The following BMP3 variants were observed in gnomAD, a reference collection of about 807,000 sequenced individuals.
BMP3 encodes bone morphogenetic protein 3, also known as bone morphogenetic protein 3 (osteogenic).
Under a neutral mutation model 38.1 loss-of-function variants are expected in BMP3, and 23 were observed. That is an observed-to-expected ratio of 0.60 (90% CI 0.43 to 0.86). The LOEUF is 0.86. Ranked by LOEUF, BMP3 falls within the 40% of genes least tolerant of loss-of-function variation. The pLI, the probability that BMP3 is intolerant of heterozygous loss-of-function variation, is 0.00. For missense variants in BMP3, 628 were observed against 579.6 expected (o/e 1.08, Z -0.86); for synonymous variants, 258 against 225.7 (o/e 1.14, Z -1.28).
Position 81,031,090 on chromosome 4 carries a change from C to A in BMP3, c.-195C>A. 1.7e-6 allele frequency: 1 copy of A among 598,864 alleles called. No individual in the cohort carries two copies. Among genetic ancestry groups the A allele is most frequent in the South Asian group, 2.2e-5 (1 of 46,146 alleles). The allele number at this position is 598,864 out of a possible 1,614,324, so 37.1% of individuals were successfully genotyped here. On this transcript the variant is annotated 5_prime_UTR_variant, in exon 1 of 3. It adds an upstream start codon to the 5' untranslated region. Coordinates refer to ENST00000282701, the MANE Select transcript of BMP3 (RefSeq NM_001201.5). ...GCGCAGCTGCTGGGGAAGAGCCCACCTGTCAGGCTGCGCTGGGTCAGCGCA... is the reference window on the plus strand; with the variant it reads ...GCGCAGCTGCTGGGGAAGAGCCCACATGTCAGGCTGCGCTGGGTCAGCGCA...
At chr4:81,032,166 G>A (rs1026811333) in intron 1 of BMP3, among the ~76,000 whole-genome samples, 2 of 114,628 alleles carry the variant, frequency 1.7e-5, no homozygotes, top group Admixed American at 1.3e-4. Context: ...TACTATATTT[G>A]ACACTTTACT....
intron 2 of BMP3, among the ~76,000 whole-genome samples, chr4:81,050,926 A>G (rs1740386313): frequency 6.6e-6 from 1 of 152,088 alleles, no homozygotes; most frequent in Non-Finnish European, 1.5e-5. Flanking sequence ...GACTGGCAAT[A>G]TGCTTTACAC....
At chr4:81,041,082 C>CAAAT (rs888017316) in intron 1 of BMP3, among the ~76,000 whole-genome samples, 1 of 152,092 alleles carries the variant, frequency 6.6e-6, no homozygotes, top group African/African-American at 2.4e-5. Context: ...AGAGACAATG[C>CAAAT]AAATCTTCTG....
At chr4:81,051,488 CAG>C (rs1000901850) in intron 2 of BMP3, among the ~76,000 whole-genome samples, 4 of 152,072 alleles carry the variant, frequency 2.6e-5, no homozygotes, top group African/African-American at 9.7e-5. Context: ...ATTAAAATAA[CAG>C]AATAATTTTG....
At position 81,042,746 on chromosome 4, in the gene BMP3, A is replaced by C. The variant is rs77832243; in HGVS notation, c.317-2992A>C. 5.7e-3 allele frequency among the ~76,000 whole-genome samples: 862 copies of C among 152,348 alleles called. 4 individuals are homozygous for C. Among genetic ancestry groups the C allele is most frequent in the African/African-American group, 0.02 (819 of 41,590 alleles). On this transcript the variant is annotated intron_variant, in intron 1 of 2. Transcript: ENST00000282701. ...CACTCATATCCCTTGGAGATCATTTATTCCCTGCCAGCATGTTTGTTTGGC... is the reference window on the plus strand; with the variant it reads ...CACTCATATCCCTTGGAGATCATTTCTTCCCTGCCAGCATGTTTGTTTGGC...
chr4:81,052,384 C>G (rs1482186628), intron 2 of BMP3, among the ~76,000 whole-genome samples: 1 of 152,146 alleles, frequency 6.6e-6, no homozygotes, highest in Non-Finnish European at 1.5e-5. Flanking sequence ...ACATTCTGGA[C>G]TTGCAAAAAT....
Position 81,031,035 on chromosome 4 carries a change from C to G in BMP3, c.-250C>G, listed in dbSNP as rs938456987. The stretch of plus-strand genomic sequence containing the variant: ...TTTCTCAGCGTTGGAGTGGAGACGG[C>G]GCCCGCAGCGCCCTGCGCGGGTGAG... On this transcript the variant is annotated 5_prime_UTR_variant, in exon 1 of 3. Coordinates refer to ENST00000282701, the MANE Select transcript of BMP3 (RefSeq NM_001201.5). The G allele has an allele frequency of 4.0e-6, 2 of 503,226 alleles. No homozygotes were observed. The highest frequency in any genetic ancestry group is 4.1e-5 in the African/African-American group (2 of 48,562). 31.2% of individuals were successfully genotyped at this position (503,226 alleles called of 1,614,324 possible).
At position 81,053,510 on chromosome 4, in the gene BMP3, A is replaced by G. The variant is rs1268045023; in HGVS notation, c.1393A>G (p.Thr465Ala). The G allele has an allele frequency of 6.3e-7, 1 of 1,580,578 alleles. No homozygotes were observed. ...NVVLKVYPNM[T>A]VESCACR ...AGTGCTTAAAGTATACCCTAACATG[A>G]CAGTAGAGTCTTGCGCTTGCAGATA... The change falls in exon 3 of 3, where the codon ACA (threonine) becomes GCA (alanine). Residue 465 changes from threonine to alanine, a missense_variant. Transcript: ENST00000282701.
chr4:81,047,595 A>G (rs1006727270), intron 2 of BMP3, among the ~76,000 whole-genome samples: 5 of 152,164 alleles, frequency 3.3e-5, no homozygotes, highest in Admixed American at 2.6e-4. Flanking sequence ...GAGGAAGAAT[A>G]CAGTTTTTTC....
intron 1 of BMP3, among the ~76,000 whole-genome samples, chr4:81,045,382 A>G (rs920401261): frequency 1.3e-5 from 2 of 152,000 alleles, no homozygotes; most frequent in African/African-American, 4.8e-5. Context: ...ATGATTTGCA[A>G]TTATTTTATC....
rs1213984198 is a variant in BMP3, at chr4:81,031,535, A to G, written c.251A>G (p.Gln84Arg). ...CCGGGCTCCCTGGAGGGAGGCTCGC[A>G]GCCCTGGCGCCCTCGGCTCCTGCGC... Reference protein sequence around the residue: ...RTPGSLEGGSQPWRPRLLREG... With the variant: ...RTPGSLEGGSRPWRPRLLREG... The change falls in exon 1 of 3, where the codon CAG becomes CGG. Residue 84 changes from glutamine to arginine, a missense_variant. Gln to Arg is a conservative substitution (Grantham distance 43, BLOSUM62 1). Coordinates refer to ENST00000282701, the MANE Select transcript of BMP3 (RefSeq NM_001201.5). 42 of 1,610,782 alleles carry G rather than the reference A, an allele frequency of 2.6e-5. No homozygotes were observed. Among genetic ancestry groups the G allele is most frequent in the Non-Finnish European group, 3.5e-5 (41 of 1,179,108 alleles).
Position 81,053,488 on chromosome 4 carries a change from G to T in BMP3, c.1371G>T (p.Val457=), listed in dbSNP as rs759922406. ...TCTTTGATGAAAATAAGAATGTAGT[G>T]CTTAAAGTATACCCTAACATGACAG... ...ILFFDENKNV[V]LKVYPNMTVE... is the part of the protein sequence containing the mutation. The change falls in exon 3 of 3, where the codon GTG becomes GTT. Residue 457 remains valine, a synonymous_variant. Transcript: ENST00000282701. 3.7e-5 allele frequency: 60 copies of T among 1,605,484 alleles called. No homozygotes were observed. The highest frequency in any genetic ancestry group is 1.6e-4 in the Middle Eastern group (1 of 6,066).
chr4:81,037,196 G>C (rs34042179), intron 1 of BMP3, among the ~76,000 whole-genome samples: 12,896 of 151,920 alleles, frequency 0.085, 656 homozygotes, highest in South Asian at 0.24. Flanking sequence ...ATATAAGGTT[G>C]TTTGTTCAGC....
At chr4:81,053,310 T>G in intron 2 of BMP3, 35 bp from the exon 3 acceptor site, 1 of 1,469,506 alleles carries the variant, frequency 6.8e-7, no homozygotes, top group Non-Finnish European at 9.1e-7. Context: ...CAGTTCCACC[T>G]AACATATGTG....
In BMP3 at chr4:81,046,385, A is replaced by G. The variant is rs753419201; in HGVS notation, c.964A>G (p.Lys322Glu). 19 of 1,613,896 alleles carry G rather than the reference A, an allele frequency of 1.2e-5. No homozygotes were observed. The highest frequency in any genetic ancestry group is 9.3e-6 in the Non-Finnish European group (11 of 1,180,010). ...GGTGTGGGAGGAGAGAAAGCCTTAC[A>G]AGACCCTTCAGGCTCAGGCCCCTGA... ...DEVWEERKPY[K>E]TLQAQAPEKS... The change falls in exon 2 of 3, where the codon AAG (lysine) becomes GAG (glutamate). Residue 322 changes from lysine (K) to glutamate (E), a missense_variant. Physicochemically the swap from Lys to Glu is moderately conservative, Grantham distance 56. Transcript: ENST00000282701.
In BMP3 at chr4:81,031,581, C is replaced by A. The variant is rs1739771889; in HGVS notation, c.297C>A (p.Ser99Arg). The change falls in exon 1 of 3, where the codon AGC (serine) becomes AGA (arginine). Residue 99 changes from serine to arginine, a missense_variant. Physicochemically the swap from Ser to Arg is moderately radical, Grantham distance 110. Transcript: ENST00000282701. ...RLLREGNTVR[S>R]FRAAAAETLE... ...TGCGCGAAGGCAACACGGTTCGCAGCTTTCGGGCGGCAGCAGCAGGTGAGT... is the reference window on the plus strand; with the variant it reads ...TGCGCGAAGGCAACACGGTTCGCAGATTTCGGGCGGCAGCAGCAGGTGAGT... 2.5e-6 allele frequency: 4 copies of A among 1,602,628 alleles called. No individual in the cohort carries two copies. The East Asian group carries it at 9.0e-5, about 36-fold the overall frequency.
At chr4:81,035,186 C>A (rs1398073085) in intron 1 of BMP3, among the ~76,000 whole-genome samples, 2 of 152,060 alleles carry the variant, frequency 1.3e-5, no homozygotes, top group Non-Finnish European at 2.9e-5. Context: ...TTCATAATCT[C>A]TGACATTTAA....
intron 1 of BMP3, among the ~76,000 whole-genome samples, chr4:81,035,078 G>A (rs1739886792): frequency 6.6e-6 from 1 of 152,096 alleles, no homozygotes; most frequent in South Asian, 2.1e-4. Context: ...TAGTACATCT[G>A]GGGAAGAGGA....
rs1444176792 is a variant in BMP3 at position 81,046,314 on chromosome 4, A to G, written c.893A>G (p.Gln298Arg). The stretch of plus-strand genomic sequence containing the variant: ...TCTACTGGGGTCTTGCTGCCTCTGC[A>G]GAACAACGAGCTTCCTGGGGCAGAA... ...KRSTGVLLPL[Q>R]NNELPGAEYQ... The change falls in exon 2 of 3, where the codon CAG becomes CGG. Residue 298 changes from glutamine (Q) to arginine (R), a missense_variant. Physicochemically the swap from Gln to Arg is conservative, Grantham distance 43 (BLOSUM62 1). Transcript: ENST00000282701. 2.5e-6 allele frequency: 4 copies of G among 1,613,998 alleles called. No individual in the cohort carries two copies. The highest frequency in any genetic ancestry group is 2.5e-6 in the Non-Finnish European group (3 of 1,180,030).
Sources: gnomAD v4.1 joint callset for allele counts (sites outside exome capture counted in the v4.1 genomes callset) on GRCh38, gnomAD v4.1.1 for gene constraint, MANE v1.5 for transcripts, NCBI Gene and HGNC (gene_info 2026-07-23, HGNC 2026-07-21) for gene names.